The following LRP1B variants were observed in gnomAD, a reference collection of about 807,000 sequenced individuals.
The protein encoded by LRP1B is low-density lipoprotein receptor-related protein 1B.
LRP1B carries 217 observed loss-of-function variants against 556.6 expected under a neutral mutation model. The observed-to-expected ratio is 0.39, with a 90% confidence interval of 0.35 to 0.44. The LOEUF (loss-of-function observed/expected upper bound fraction) is 0.44. Ranked by LOEUF, LRP1B falls within the 20% of genes least tolerant of loss-of-function variation. LRP1B has a pLI of 1.00. For missense variants in LRP1B, 5,053 were observed against 5,620.8 expected, an observed-to-expected ratio of 0.90 and a Z score of 3.23; for synonymous variants, 2,047 against 1,865.8, an observed-to-expected ratio of 1.10 and a Z score of -2.50.
chr2:141,382,534 C>T (rs1383397967), intron 3 of LRP1B, among the ~76,000 whole-genome samples: 1 of 152,192 alleles, frequency 6.6e-6, no homozygotes, highest in Non-Finnish European at 1.5e-5. Flanking sequence ...AAGTCGGGGA[C>T]ATAACCTGCC....
intron 2 of LRP1B, among the ~76,000 whole-genome samples, chr2:141,722,622 G>C (rs1692864708): frequency 6.6e-6 from 1 of 152,022 alleles, no homozygotes; most frequent in Non-Finnish European, 1.5e-5. Context: ...TCCCTCACCT[G>C]TCCCTCTCCC....
chr2:140,773,795 AG>A (rs1200288587), intron 33 of LRP1B, among the ~76,000 whole-genome samples: 22 of 152,064 alleles, frequency 1.4e-4, no homozygotes, highest in Middle Eastern at 3.5e-3. Flanking sequence ...ATGAATTCTT[AG>A]TTACAATAAG....
chr2:141,032,533 G>T (rs186415723), intron 11 of LRP1B, among the ~76,000 whole-genome samples: 256 of 151,878 alleles, frequency 1.7e-3, no homozygotes, highest in African/African-American at 6.0e-3. Context: ...GATGAATTTG[G>T]TGAAAACTAT....
intron 43 of LRP1B, among the ~76,000 whole-genome samples, chr2:140,571,314 G>A (rs1031770838): frequency 6.6e-6 from 1 of 151,566 alleles, no homozygotes; most frequent in African/African-American, 2.4e-5. Context: ...TAGTAATCTT[G>A]AAGAATAAAA....
At chr2:141,070,144 T>C (rs113719213) in intron 7 of LRP1B, among the ~76,000 whole-genome samples, 1 of 151,946 alleles carries the variant, frequency 6.6e-6, no homozygotes, top group Admixed American at 6.6e-5. Flanking sequence ...CATCATTTTT[T>C]ATGGCTGCAT....
intron 2 of LRP1B, among the ~76,000 whole-genome samples, chr2:141,528,855 A>T (rs1282407927): frequency 6.6e-6 from 1 of 152,166 alleles, no homozygotes. Context: ...TTCTAAACTT[A>T]AGTACTGTTT....
chr2:140,236,330 T>C (rs562023621), intron 89 of LRP1B, among the ~76,000 whole-genome samples: 2 of 150,934 alleles, frequency 1.3e-5, no homozygotes, highest in East Asian at 3.9e-4. Flanking sequence ...ATATTTACAA[T>C]GTAAAAGTGC....
At chr2:140,610,008 G>A (rs17807423) in intron 41 of LRP1B, among the ~76,000 whole-genome samples, 7,990 of 150,806 alleles carry the variant, frequency 0.053, 225 homozygotes, top group Middle Eastern at 0.087. Context: ...TGGCCACAGG[G>A]TGTTCTTTTC....
At chr2:141,724,770 C>T (rs1255433583) in intron 2 of LRP1B, among the ~76,000 whole-genome samples, 2 of 151,906 alleles carry the variant, frequency 1.3e-5, no homozygotes, top group East Asian at 3.9e-4. Flanking sequence ...AGTTATTCTA[C>T]ATTGACTATT....
At chr2:141,897,308 C>T (rs1699482515) in intron 1 of LRP1B, among the ~76,000 whole-genome samples, 1 of 152,116 alleles carries the variant, frequency 6.6e-6, no homozygotes, top group Non-Finnish European at 1.5e-5. Flanking sequence ...CAACAGGTAG[C>T]TGATGCTAGC....
At chr2:141,586,999 A>G (rs1205145735) in intron 2 of LRP1B, among the ~76,000 whole-genome samples, 1 of 151,974 alleles carries the variant, frequency 6.6e-6, no homozygotes, top group African/African-American at 2.4e-5. Context: ...AAATACTCAT[A>G]TATGACACCT....
At chr2:140,627,406 T>G (rs980981093) in intron 41 of LRP1B, among the ~76,000 whole-genome samples, 17 of 152,182 alleles carry the variant, frequency 1.1e-4, no homozygotes, top group African/African-American at 4.1e-4. Context: ...CCATTTTTCT[T>G]CTGTGCTGAA....
intron 30 of LRP1B, among the ~76,000 whole-genome samples, chr2:140,840,573 A>C (rs2105096185): frequency 6.6e-6 from 1 of 152,296 alleles, no homozygotes; most frequent in African/African-American, 2.4e-5. Flanking sequence ...CAAAGCAGTG[A>C]CCATGATACC....
chr2:140,233,518 A>C (rs6743080), intron 90 of LRP1B, among the ~76,000 whole-genome samples, 192 bp from the exon 91 acceptor site: 89,403 of 150,842 alleles, frequency 0.59, 27,045 homozygotes, highest in Non-Finnish European at 0.66. Context: ...CATGGTATTA[A>C]ATGAAACATA....
intron 3 of LRP1B, among the ~76,000 whole-genome samples, chr2:141,389,412 T>G (rs1689962924): frequency 1.3e-5 from 2 of 152,128 alleles, no homozygotes; most frequent in East Asian, 1.9e-4. Context: ...TAACCAGATA[T>G]CCACATGCAA....
intron 43 of LRP1B, among the ~76,000 whole-genome samples, chr2:140,564,464 A>G (rs1382384555): frequency 5.9e-5 from 9 of 152,100 alleles, no homozygotes; most frequent in Non-Finnish European, 1.0e-4. Flanking sequence ...TTCAGCACAC[A>G]TTTATCAAGT....
chr2:140,302,768 C>G (rs1303386946), intron 83 of LRP1B, among the ~76,000 whole-genome samples: 2 of 151,922 alleles, frequency 1.3e-5, no homozygotes, highest in African/African-American at 4.8e-5. Flanking sequence ...GACATCAGAG[C>G]TCCTGGTTCT....
At chr2:140,993,940 C>T (rs2105358501) in intron 16 of LRP1B, 55 bp downstream of exon 16, 1 of 1,550,576 alleles carries the variant, frequency 6.4e-7, no homozygotes, top group South Asian at 1.2e-5. Context: ...TGATAATTCA[C>T]ACACTCAAAG....
intron 6 of LRP1B, among the ~76,000 whole-genome samples, chr2:141,219,023 G>A (rs901838960): frequency 6.6e-6 from 1 of 152,202 alleles, no homozygotes; most frequent in African/African-American, 2.4e-5. Flanking sequence ...GAGGCAGTGA[G>A]TAACTGTGCT....
Sources: allele counts gnomAD v4.1 joint callset (sites outside exome capture counted in the v4.1 genomes callset), GRCh38; gene constraint gnomAD v4.1.1; transcripts MANE v1.5; gene names NCBI Gene and HGNC (gene_info 2026-07-23, HGNC 2026-07-21).